NFASC: variants seen among roughly 807,000 people sequenced by gnomAD.
NFASC encodes neurofascin.
NFASC carries 43 observed loss-of-function variants against 147.5 expected under a neutral mutation model. The observed-to-expected ratio is 0.29, with a 90% CI of 0.23 to 0.38. The LOEUF (loss-of-function observed/expected upper bound fraction) is 0.38. Among genes scored for constraint, NFASC ranks in the 10% least tolerant of loss-of-function variants. The pLI is 1.00. For missense variants in NFASC, 1,320 were observed against 1,689.0 expected, an observed-to-expected ratio of 0.78 and a Z score of 3.83; for synonymous variants, 622 against 665.5, an observed-to-expected ratio of 0.93 and a Z score of 1.01.
At chr1:204,857,931 T>TTTTTC (rs2076306463) in intron 1 of NFASC, among the ~76,000 whole-genome samples, 1 of 149,464 alleles carries the variant, frequency 6.7e-6, no homozygotes, top group East Asian at 2.0e-4. Flanking sequence ...TTTTTTTTTT[T>TTTTTC]TTTTTGAGAT....
intron 8 of NFASC, chr1:204,967,831 T>C (rs2095045632): frequency 1.2e-5 from 2 of 170,214 alleles, no homozygotes; most frequent in Admixed American, 1.2e-4. Context: ...AGTACATGCC[T>C]TCTCTGCTTC....
intron 1 of NFASC, among the ~76,000 whole-genome samples, chr1:204,843,400 C>G (rs547162666): frequency 1.3e-5 from 2 of 152,320 alleles, no homozygotes; most frequent in East Asian, 3.9e-4. Context: ...GTAGTACACT[C>G]TCGCAACCAG....
At chr1:204,919,351 A>G (rs979611174) in intron 1 of NFASC, among the ~76,000 whole-genome samples, 7 of 152,152 alleles carry the variant, frequency 4.6e-5, no homozygotes, top group Admixed American at 3.3e-4. Flanking sequence ...AATGTATTTT[A>G]TGCTTCATCA....
intron 1 of NFASC, among the ~76,000 whole-genome samples, chr1:204,894,936 C>A (rs1364191347): frequency 2.0e-5 from 3 of 152,168 alleles, no homozygotes; most frequent in Non-Finnish European, 2.9e-5. Flanking sequence ...GGTTATCTAC[C>A]TAATTACTAA....
Position 204,954,815 on chromosome 1 carries a change from C to T in NFASC, c.413-14C>T, listed in dbSNP as rs757332155. 3 of 1,613,894 alleles carry T rather than the reference C, an allele frequency of 1.9e-6. No individual in the cohort carries two copies. Among genetic ancestry groups the T allele is most frequent in the African/African-American group, 1.3e-5 (1 of 74,910 alleles). ...ATCACCCTCACTTTATCCTCTTTGTCCACTTCTCTCCAGAATCTCCTCTGT... is the reference window on the plus strand; with the variant it reads ...ATCACCCTCACTTTATCCTCTTTGTTCACTTCTCTCCAGAATCTCCTCTGT... On this transcript the variant is annotated splice_polypyrimidine_tract_variant and intron_variant, in intron 6 of 29. Transcript: ENST00000339876. The surrounding 1 kb of genome is among the most constrained non-coding windows in gnomAD (Gnocchi z 5.7).
Position 204,894,760 on chromosome 1 carries a change from C to A in NFASC, c.-199-25872C>A, listed in dbSNP as rs903886264. Among the ~76,000 whole-genome samples the A allele has an allele frequency of 2.6e-5, 4 of 152,322 alleles. No individual in the cohort carries two copies. The South Asian group carries it at 8.3e-4, about 32-fold the overall frequency. On this transcript the variant is annotated intron_variant, in intron 1 of 29. Coordinates refer to ENST00000339876, the MANE Select transcript of NFASC (RefSeq NM_001005388.3). ...TCAAGCTTGTTTTCTTACTGTTTTTCTTCCTGCATCATCCACTGTCTTCTG... is the reference window on the plus strand; with the variant it reads ...TCAAGCTTGTTTTCTTACTGTTTTTATTCCTGCATCATCCACTGTCTTCTG...
intron 1 of NFASC, among the ~76,000 whole-genome samples, chr1:204,840,971 C>A (rs1477739041): frequency 6.6e-6 from 1 of 152,178 alleles, no homozygotes; most frequent in Non-Finnish European, 1.5e-5. Context: ...AGAAGTGGTC[C>A]TGTAGATGCT....
intron 17 of NFASC, 123 bp from the exon 18 acceptor site, chr1:204,978,845 A>AG (rs2095460576): frequency 1.5e-6 from 1 of 687,252 alleles, no homozygotes; most frequent in Non-Finnish European, 2.5e-6. Flanking sequence ...CCCTCAGGGC[A>AG]GGCTGGGGTT....
At chr1:204,927,139 A>G (rs2091770941) in intron 2 of NFASC, among the ~76,000 whole-genome samples, 2 of 152,160 alleles carry the variant, frequency 1.3e-5, no homozygotes, top group African/African-American at 4.8e-5. Flanking sequence ...TTTAGTGCCC[A>G]TAGACTTGAG....
intron 1 of NFASC, among the ~76,000 whole-genome samples, chr1:204,917,625 C>A (rs1399423144): frequency 6.6e-6 from 1 of 152,130 alleles, no homozygotes; most frequent in Non-Finnish European, 1.5e-5. Context: ...TTATGTTTCT[C>A]CCTGTTGCAG....
Position 204,988,751 on chromosome 1 carries a change from G to A in NFASC, c.2712G>A (p.Thr904=), listed in dbSNP as rs767265164. The change falls in exon 23 of 30, where the codon ACG becomes ACA. Residue 904 remains threonine (T), a synonymous_variant. Coordinates refer to ENST00000339876, the MANE Select transcript of NFASC (RefSeq NM_001005388.3). The stretch of plus-strand genomic sequence containing the variant: ...ACCGCTTTACCCTCAGCGCCAGGAC[G>A]CAGGTGGGCTCTGGGGAAGCCGTCA... The part of the protein sequence containing the change: ...SRYRFTLSAR[T]QVGSGEAVTE... 1.2e-5 allele frequency: 19 copies of A among 1,614,114 alleles called. No individual in the cohort carries two copies. Among genetic ancestry groups the A allele is most frequent in the East Asian group, 4.5e-5 (2 of 44,898 alleles).
Position 204,968,657 on chromosome 1 carries a change from C to A in NFASC, c.819-141C>A, listed in dbSNP as rs544162677. ...CTGTGGCTGAGCATCCTCCTCTGCA[C>A]AGGAAAGATCAGCTTTTAGAGGACA... On this transcript the variant is annotated intron_variant, in intron 9 of 29. Transcript: ENST00000339876. The surrounding 1 kb of genome is among the most constrained non-coding windows in gnomAD (Gnocchi z 5.4). 1.4e-6 allele frequency: 1 copy of A among 740,294 alleles called. No individual in the cohort carries two copies. The highest frequency in any genetic ancestry group is 2.2e-6 in the Non-Finnish European group (1 of 459,554). The allele number at this position is 740,294 out of a possible 1,614,324, so 45.9% of individuals were successfully genotyped here.
intron 1 of NFASC, among the ~76,000 whole-genome samples, chr1:204,895,420 G>A (rs2083203341): frequency 6.6e-6 from 1 of 152,058 alleles, no homozygotes; most frequent in Non-Finnish European, 1.5e-5. Context: ...AGTACATCAG[G>A]GATTGGCTCT....
chr1:204,868,051 T>G (rs1178958494), intron 1 of NFASC, among the ~76,000 whole-genome samples: 2 of 152,248 alleles, frequency 1.3e-5, no homozygotes. Flanking sequence ...AAATACTTTG[T>G]GGTGACAAGT....
At chr1:204,982,519 G>A (rs2095528677) in intron 21 of NFASC, among the ~76,000 whole-genome samples, 1 of 152,238 alleles carries the variant, frequency 6.6e-6, no homozygotes, top group Admixed American at 6.5e-5. Context: ...TCAGCAACCA[G>A]ACAGGAGCAC....
intron 1 of NFASC, among the ~76,000 whole-genome samples, chr1:204,846,213 A>AAG (rs1676994895): frequency 6.6e-6 from 1 of 151,546 alleles, no homozygotes; most frequent in East Asian, 1.9e-4. Context: ...AAAAAAAAAA[A>AAG]GAGGGCCAGG....
intron 1 of NFASC, among the ~76,000 whole-genome samples, chr1:204,843,052 C>T (rs1280326228): frequency 6.6e-6 from 1 of 152,192 alleles, no homozygotes; most frequent in Non-Finnish European, 1.5e-5. Flanking sequence ...TGAACACATC[C>T]CATGATTCCT....
At chr1:205,001,038 T>G in intron 25 of NFASC, 132 bp from the exon 26 acceptor site, 1 of 681,328 alleles carries the variant, frequency 1.5e-6, no homozygotes, top group South Asian at 1.6e-5. Context: ...CCTAGATGAC[T>G]GTGTGTACAT....
intron 24 of NFASC, among the ~76,000 whole-genome samples, chr1:204,992,501 C>T (rs1333824532): frequency 6.6e-6 from 1 of 152,218 alleles, no homozygotes; most frequent in Non-Finnish European, 1.5e-5. Context: ...CTCTCTCCCT[C>T]AGTCCTCAAC....
Sources: gnomAD v4.1 joint callset for allele counts (sites outside exome capture counted in the v4.1 genomes callset) on GRCh38, gnomAD v4.1.1 for gene constraint, Gnocchi (gnomAD v3.1) non-coding constraint, MANE v1.5 for transcripts, NCBI Gene and HGNC (gene_info 2026-07-23, HGNC 2026-07-21) for gene names.